The following FAM193A variants were observed in gnomAD, a reference collection of about 807,000 sequenced individuals.
The protein encoded by FAM193A is protein FAM193A.
In FAM193A, 22 loss-of-function variants were observed where a neutral mutation model predicts 126.5. The ratio of observed to expected loss-of-function variants is 0.17; its 90% CI spans 0.12 to 0.25. The LOEUF (loss-of-function observed/expected upper bound fraction) is 0.25, where lower values mean the gene tolerates loss of function less well. Among genes scored for constraint, FAM193A ranks in the 10% least tolerant of loss-of-function variants. The pLI is 1.00. For synonymous variants in FAM193A, 761 were observed against 646.8 expected (o/e 1.18, Z -2.68); for missense variants, 1,675 against 1,672.8 (o/e 1.00, Z -0.02).
intron 4 of FAM193A, among the ~76,000 whole-genome samples, chr4:2,629,146 T>C (rs1743288583): frequency 6.6e-6 from 1 of 151,244 alleles, no homozygotes; most frequent in Non-Finnish European, 1.5e-5. Flanking sequence ...TCTTTTTATA[T>C]AACTTAAAAA....
At chr4:2,665,677 C>T (rs1044120515) in intron 12 of FAM193A, among the ~76,000 whole-genome samples, 1 of 152,088 alleles carries the variant, frequency 6.6e-6, no homozygotes, top group African/African-American at 2.4e-5. Flanking sequence ...AGGCATGCGC[C>T]ACCACGCCCA....
chr4:2,597,811 C>T (rs916444722), intron 2 of FAM193A, among the ~76,000 whole-genome samples: 3 of 152,194 alleles, frequency 2.0e-5, no homozygotes, highest in African/African-American at 7.2e-5. Context: ...ACTACCACAG[C>T]TAAGCTACAG....
At chr4:2,596,670 T>C (rs1455480236) in intron 2 of FAM193A, among the ~76,000 whole-genome samples, 2 of 152,232 alleles carry the variant, frequency 1.3e-5, no homozygotes, top group Admixed American at 6.5e-5. Flanking sequence ...CAATTCGACA[T>C]GCAGGTAATT....
intron 20 of FAM193A, among the ~76,000 whole-genome samples, chr4:2,716,334 A>G (rs139566384): frequency 2.6e-5 from 4 of 152,264 alleles, no homozygotes; most frequent in East Asian, 1.9e-4. Flanking sequence ...TGCTAGAAAA[A>G]TAGTTGATGG....
At chr4:2,655,050 T>G in intron 7 of FAM193A, 2 of 678,014 alleles carry the variant, frequency 2.9e-6, no homozygotes, top group Non-Finnish European at 2.7e-6. Flanking sequence ...TTTTTTGGCT[T>G]CCACTAGGAC....
intron 7 of FAM193A, among the ~76,000 whole-genome samples, chr4:2,652,914 G>A (rs541563036): frequency 6.6e-6 from 1 of 152,238 alleles, no homozygotes; most frequent in East Asian, 1.9e-4. Flanking sequence ...ACCCCGTGTG[G>A]CTAGAGCCTC....
intron 2 of FAM193A, among the ~76,000 whole-genome samples, chr4:2,609,149 T>C (rs1038162521): frequency 2.0e-5 from 3 of 151,910 alleles, no homozygotes; most frequent in Non-Finnish European, 2.9e-5. Flanking sequence ...GCCTCGGCCT[T>C]CCAAAGTGCT....
chr4:2,700,608 A>AGTATAGGAAAACACTGG, intron 19 of FAM193A, 64 bp downstream of exon 19: 3 of 1,547,886 alleles, frequency 1.9e-6, no homozygotes, highest in Non-Finnish European at 2.6e-6. Flanking sequence ...GTGATGTGCT[A>AGTATAGGAAAACACTGG]GTATAGGAAA....
At position 2,683,518 on chromosome 4, in the gene FAM193A, C is replaced by G. The variant is rs940448374; in HGVS notation, c.2332-5988C>G. 3.3e-5 allele frequency among the ~76,000 whole-genome samples: 5 copies of G among 152,104 alleles called. No homozygotes were observed. The South Asian group carries it at 8.3e-4, about 25-fold the overall frequency. ...CATGTTGGCCAGGCTGGTCTTGAAC[C>G]CCTGACCTCAGGTGATCGCCTGCCT... On this transcript the variant is annotated intron_variant, in intron 13 of 20. Transcript: ENST00000637812.
rs1717056722 is a variant in FAM193A at position 2,696,543 on chromosome 4, C to G, written c.3457C>G (p.Pro1153Ala). ...GTTTATAAATAGCTCCGAAACCAAA[C>G]CAGTGAGCAGCACGCGTGCAGCGAA... ...LQFINSSETK[P>A]VSSTRAAKRA... The change falls in exon 18 of 21, where the codon CCA becomes GCA. Residue 1153 changes from proline to alanine, a missense_variant. Coordinates refer to ENST00000637812, the MANE Select transcript of FAM193A (RefSeq NM_001366318.2). 14 of 1,614,074 alleles carry G rather than the reference C, an allele frequency of 8.7e-6. No individual in the cohort carries two copies. The highest frequency in any genetic ancestry group is 1.2e-5 in the Non-Finnish European group (14 of 1,180,036).
chr4:2,695,273 C>A, intron 17 of FAM193A, 144 bp downstream of exon 17: 1 of 630,534 alleles, frequency 1.6e-6, no homozygotes, highest in Non-Finnish European at 2.5e-6. Context: ...AAAATATATG[C>A]CCAAAGATTT....
At chr4:2,663,552 T>C (rs1182417163) in intron 12 of FAM193A, among the ~76,000 whole-genome samples, 1 of 152,074 alleles carries the variant, frequency 6.6e-6, no homozygotes, top group African/African-American at 2.4e-5. Context: ...TAAAAAAAAA[T>C]AGTGGAATAT....
chr4:2,549,681 C>T (rs1206393700), intron 1 of FAM193A, among the ~76,000 whole-genome samples: 2 of 151,878 alleles, frequency 1.3e-5, no homozygotes, highest in Non-Finnish European at 2.9e-5. Context: ...CAGGCGTGAG[C>T]CACCGCGCCC....
intron 1 of FAM193A, among the ~76,000 whole-genome samples, chr4:2,590,684 C>T (rs1740519636): frequency 6.6e-6 from 1 of 151,756 alleles, no homozygotes; most frequent in South Asian, 2.1e-4. Flanking sequence ...GGAAGATGGA[C>T]ATGTGAAAGA....
chr4:2,576,255 G>T (rs1739581338), intron 1 of FAM193A, among the ~76,000 whole-genome samples: 1 of 152,008 alleles, frequency 6.6e-6, no homozygotes, highest in African/African-American at 2.4e-5. Context: ...CCCCCACCAC[G>T]CCTGGCTAAT....
At chr4:2,691,487 A>G (rs1186330914) in intron 15 of FAM193A, among the ~76,000 whole-genome samples, 2 of 152,156 alleles carry the variant, frequency 1.3e-5, no homozygotes, top group East Asian at 1.9e-4. Context: ...GCTTTAGGAA[A>G]ATGCTGAGCA....
In FAM193A at chr4:2,696,573, G is replaced by A; in HGVS notation, c.3487G>A (p.Ala1163Thr). 2 of 1,614,184 alleles carry A rather than the reference G, an allele frequency of 1.2e-6. No homozygotes were observed. Among genetic ancestry groups the A allele is most frequent in the Non-Finnish European group, 8.5e-7 (1 of 1,179,988 alleles). The stretch of plus-strand genomic sequence containing the variant: ...GAGCAGCACGCGTGCAGCGAAGCGA[G>A]CAAGGCATAAGCAAAGGAAGGCAAG... ...PVSSTRAAKR[A>T]RHKQRKLEEK... Residue 1163 changes from alanine (A) to threonine (T), a missense_variant, in exon 18 of 21, where the codon GCA (alanine) becomes ACA (threonine). By Grantham distance (58) the Ala-to-Thr change is moderately conservative. Around this residue, in one of 4 missense-constraint regions of FAM193A, gnomAD observed 415 missense variants for 396.7 expected, o/e 1.05. Coordinates refer to ENST00000637812, the MANE Select transcript of FAM193A (RefSeq NM_001366318.2).
Position 2,674,868 on chromosome 4 carries a change from A to G in FAM193A, c.2331+2496A>G, listed in dbSNP as rs181053491. Among the ~76,000 whole-genome samples, 1,001 of 152,276 alleles carry G rather than the reference A, an allele frequency of 6.6e-3. 3 individuals carry two copies. The highest frequency in any genetic ancestry group is 0.011 in the Non-Finnish European group (760 of 68,024). On this transcript the variant is annotated intron_variant, in intron 13 of 20. Transcript: ENST00000637812. ...AAAAAAAAAATTCTTGAAATTAAAA[A>G]GACTTGAAGACTAATTTCTGTTTTC...
At chr4:2,686,979 C>G (rs150897730) in intron 13 of FAM193A, among the ~76,000 whole-genome samples, 470 of 152,252 alleles carry the variant, frequency 3.1e-3, no homozygotes, top group Middle Eastern at 0.014. Flanking sequence ...CCATGGGGCT[C>G]CCTTACCAAA....
Sources: gnomAD v4.1 joint callset for allele counts (sites outside exome capture counted in the v4.1 genomes callset) on GRCh38, gnomAD v4.1.1 for gene constraint, gnomAD v4.1.1 regional missense constraint, MANE v1.5 for transcripts, NCBI Gene and HGNC (gene_info 2026-07-23, HGNC 2026-07-21) for gene names.